The following METTL2A variants were observed in gnomAD, a reference collection of about 807,000 sequenced individuals.
METTL2A encodes methyltransferase 2A, tRNA N3-cytidine.
METTL2A carries 45 observed loss-of-function variants against 49.4 expected under a neutral mutation model. The ratio of observed to expected loss-of-function variants is 0.91; its 90% CI spans 0.72 to 1.17. The LOEUF is 1.17. METTL2A is among the 50% of genes most tolerant of loss of function. The pLI, the probability that METTL2A is intolerant of heterozygous loss-of-function variation, is 0.00. For synonymous variants in METTL2A, 118 were observed against 167.5 expected (o/e 0.70, Z 2.28); for missense variants, 361 against 462.2 (o/e 0.78, Z 2.01).
At position 62,426,555 on chromosome 17, in the gene METTL2A, G is replaced by T. The variant is rs754587531; in HGVS notation, c.459G>T (p.Gln153His). The T allele has an allele frequency of 1.3e-5, 18 of 1,344,776 alleles. No homozygotes were observed. The South Asian group carries it at 2.3e-4, about 17-fold the overall frequency. 83.3% of individuals were successfully genotyped at this position (1,344,776 alleles called of 1,614,324 possible). Residue 153 changes from glutamine (Q) to histidine (H), a missense_variant, in exon 3 of 9, where the codon CAG becomes CAT. Around this residue, in one of 3 missense-constraint regions of METTL2A, gnomAD observed 28 missense variants for 75.6 expected, o/e 0.37. Coordinates refer to ENST00000311506, the MANE Select transcript of METTL2A (RefSeq NM_181725.4). ...CSSKSLEHKTQTLPVEENVTQ... is the reference protein window; with the variant it reads ...CSSKSLEHKTHTLPVEENVTQ... ...CAAAGAGCCTTGAACATAAAACACA[G>T]ACACTTCCTGTGGAGGAGAATGTAA...
chr17:62,444,116 C>A (rs145581645), intron 6 of METTL2A, among the ~76,000 whole-genome samples: 1 of 152,138 alleles, frequency 6.6e-6, no homozygotes, highest in African/African-American at 2.4e-5. Flanking sequence ...AGATACAGCC[C>A]CTACATTGAA....
At chr17:62,430,659 AGTT>A (rs1299784003) in intron 4 of METTL2A, among the ~76,000 whole-genome samples, 2 of 151,662 alleles carry the variant, frequency 1.3e-5, no homozygotes, top group Non-Finnish European at 2.9e-5. Context: ...AAACTTCCCT[AGTT>A]GTTATCGTCC....
At chr17:62,435,360 T>C in intron 5 of METTL2A, 68 bp downstream of exon 5, 3 of 1,605,682 alleles carry the variant, frequency 1.9e-6, no homozygotes, top group Non-Finnish European at 2.6e-6. Flanking sequence ...CTCCTAAAAA[T>C]CAAGGTCTCT....
At chr17:62,430,979 C>T (rs1309086249) in intron 4 of METTL2A, among the ~76,000 whole-genome samples, 52 of 152,216 alleles carry the variant, frequency 3.4e-4, no homozygotes, top group Admixed American at 3.4e-3. Flanking sequence ...AATTCTCCTG[C>T]CTCAGCCTCC....
chr17:62,440,837 C>T (rs2070734995), intron 6 of METTL2A, 81 bp downstream of exon 6: 1 of 1,533,736 alleles, frequency 6.5e-7, no homozygotes, highest in Non-Finnish European at 8.8e-7. Flanking sequence ...TAGGTTCTTG[C>T]TCTGTCAGCC....
At chr17:62,433,789 C>T (rs557984303) in intron 4 of METTL2A, among the ~76,000 whole-genome samples, 28 of 151,774 alleles carry the variant, frequency 1.8e-4, no homozygotes, top group South Asian at 6.2e-4. Flanking sequence ...TTGCCAGGCG[C>T]GGTGGCTCAC....
At chr17:62,439,160 T>C (rs1474534877) in intron 5 of METTL2A, among the ~76,000 whole-genome samples, 2 of 151,680 alleles carry the variant, frequency 1.3e-5, no homozygotes, top group Non-Finnish European at 1.5e-5. Context: ...TTTGTATTTT[T>C]AGTAGAGACG....
rs1269705958 is a variant in METTL2A, at chr17:62,451,807, T to G, written c.*3078T>G. On this transcript the variant is annotated 3_prime_UTR_variant, in exon 9 of 9. Transcript: ENST00000311506. ...TGGAAGGCTGAGGCAGGAGAATCAC[T>G]TGAATCTGGGAGGCGGAGGTTGCAG... 6.6e-6 allele frequency among the ~76,000 whole-genome samples: 1 copy of G among 151,900 alleles called. No individual in the cohort carries two copies. The highest frequency in any genetic ancestry group is 1.5e-5 in the Non-Finnish European group (1 of 67,978).
intron 1 of METTL2A, 61 bp downstream of exon 1, chr17:62,424,073 A>T: frequency 6.3e-7 from 1 of 1,592,732 alleles, no homozygotes; most frequent in Non-Finnish European, 8.5e-7. Flanking sequence ...GCCTCGGAGC[A>T]CTCCGAAAAG....
rs764166562 is a variant in METTL2A at position 62,447,697 on chromosome 17, G to A, written c.917-4G>A. The A allele has an allele frequency of 8.1e-6, 13 of 1,614,050 alleles. No individual in the cohort carries two copies. The highest frequency in any genetic ancestry group is 4.4e-5 in the South Asian group (4 of 91,080). Reference sequence around the variant, plus strand: ...TCTCTGATTTTTAACACATCACTCTGCAGGTCAGTGTCTATCTGGAAATTT... The same window carrying A: ...TCTCTGATTTTTAACACATCACTCTACAGGTCAGTGTCTATCTGGAAATTT... On this transcript the variant is annotated splice_region_variant and splice_polypyrimidine_tract_variant and intron_variant, in intron 7 of 8. Transcript: ENST00000311506.
chr17:62,423,984 C>A lies in METTL2A; in HGVS notation c.82C>A (p.Pro28Thr). Residue 28 changes from proline (P) to threonine (T), a missense_variant, in exon 1 of 9, where the codon CCG (proline) becomes ACG (threonine). Around this residue, in one of 3 missense-constraint regions of METTL2A, gnomAD observed 150 missense variants for 170.1 expected, o/e 0.88. Coordinates refer to ENST00000311506, the MANE Select transcript of METTL2A (RefSeq NM_181725.4). ...QQFGSRFLRD[P>T]ARVFHHNAWD... ...GTTCGGAAGCCGGTTCCTGAGAGATCCGGCGCGCGTCTTCCACCACAATGC... is the reference window on the plus strand; with the variant it reads ...GTTCGGAAGCCGGTTCCTGAGAGATACGGCGCGCGTCTTCCACCACAATGC... 1 of 1,613,970 alleles carries A rather than the reference C, an allele frequency of 6.2e-7. No individual in the cohort carries two copies. Among genetic ancestry groups the A allele is most frequent in the Non-Finnish European group, 8.5e-7 (1 of 1,180,002 alleles).
chr17:62,442,785 G>A (rs1316059197), intron 6 of METTL2A, among the ~76,000 whole-genome samples: 1 of 152,180 alleles, frequency 6.6e-6, no homozygotes, highest in Non-Finnish European at 1.5e-5. Flanking sequence ...TCAGAGTCCT[G>A]CAAAGGATGA....
Position 62,426,260 on chromosome 17 carries a change from G to C in METTL2A, c.203-39G>C, listed in dbSNP as rs745448310. ...GATATTAGATATAAATAAAACATTT[G>C]AGAGCTGGTTCTTAAAATTTTTTCT... On this transcript the variant is annotated intron_variant, in intron 2 of 8. Transcript: ENST00000311506. 16 of 1,529,266 alleles carry C rather than the reference G, an allele frequency of 1.0e-5. No individual in the cohort carries two copies. The African/African-American group carries it at 2.2e-4, about 21-fold the overall frequency. The allele number at this position is 1,529,266 out of a possible 1,614,324, so 94.7% of individuals were successfully genotyped here.
At chr17:62,424,156 A>G in intron 1 of METTL2A, 63 bp from the exon 2 acceptor site, 1 of 1,611,160 alleles carries the variant, frequency 6.2e-7, no homozygotes, top group Non-Finnish European at 8.5e-7. Flanking sequence ...CTCCTAGGCC[A>G]GCGACTCACC....
At chr17:62,427,694 C>G (rs1028926648) in intron 3 of METTL2A, 94 bp from the exon 4 acceptor site, 26 of 1,586,180 alleles carry the variant, frequency 1.6e-5, no homozygotes, top group African/African-American at 4.1e-5. Context: ...ACAGTTAGGC[C>G]AGATTCTTGT....
At chr17:62,430,304 C>T (rs377604196) in intron 4 of METTL2A, among the ~76,000 whole-genome samples, 4 of 152,178 alleles carry the variant, frequency 2.6e-5, no homozygotes, top group Non-Finnish European at 5.9e-5. Flanking sequence ...TTATCAATAT[C>T]ATCAATGCAT....
chr17:62,424,003 A>C lies in METTL2A; in HGVS notation c.101A>C (p.His34Pro), dbSNP rs1226837271. ...FLRDPARVFHHNAWDNVEWSE... is the reference protein window; with the variant it reads ...FLRDPARVFHPNAWDNVEWSE... ...AGAGATCCGGCGCGCGTCTTCCACC[A>C]CAATGCCTGGTAATCACTCTGCCCC... The change falls in exon 1 of 9, where the codon CAC becomes CCC. Residue 34 changes from histidine to proline, a missense_variant. Around this residue, in one of 3 missense-constraint regions of METTL2A, gnomAD observed 150 missense variants for 170.1 expected, o/e 0.88. Transcript: ENST00000311506. 6.2e-7 allele frequency: 1 copy of C among 1,613,702 alleles called. No homozygotes were observed.
chr17:62,427,784 G>T lies in METTL2A; in HGVS notation c.559-4G>T. ...TGTGATTAATAGTTCATTTCTGTCT[G>T]CAGGTTGGCTGTGGTGTGGGAAACA... On this transcript the variant is annotated splice_polypyrimidine_tract_variant and splice_region_variant and intron_variant, in intron 3 of 8. Coordinates refer to ENST00000311506, the MANE Select transcript of METTL2A (RefSeq NM_181725.4). 6.2e-7 allele frequency: 1 copy of T among 1,607,200 alleles called. No individual in the cohort carries two copies.
At chr17:62,436,556 AAGAG>A (rs919218062) in intron 5 of METTL2A, among the ~76,000 whole-genome samples, 8 of 152,288 alleles carry the variant, frequency 5.3e-5, no homozygotes, top group African/African-American at 1.4e-4. Flanking sequence ...TCTCAAAAAA[AAGAG>A]AGAGAAAGAA....
Sources: gnomAD v4.1 joint callset for allele counts (sites outside exome capture counted in the v4.1 genomes callset) on GRCh38, gnomAD v4.1.1 for gene constraint, gnomAD v4.1.1 regional missense constraint, MANE v1.5 for transcripts, NCBI Gene and HGNC (gene_info 2026-07-23, HGNC 2026-07-21) for gene names.